The following DPF3 variants were observed in gnomAD, a reference collection of about 807,000 sequenced individuals.
DPF3 encodes the protein zinc finger protein DPF3.
In DPF3, 18 loss-of-function variants were observed where a neutral mutation model predicts 56.8. That is an observed-to-expected ratio of 0.32 (90% CI 0.22 to 0.47). The LOEUF (loss-of-function observed/expected upper bound fraction) is 0.47. Among genes scored for constraint, DPF3 ranks in the 20% least tolerant of loss-of-function variants. The pLI is 1.00. For synonymous variants in DPF3, 188 were observed against 180.2 expected (o/e 1.04, Z -0.35); for missense variants, 403 against 488.8 (o/e 0.82, Z 1.65).
At chr14:72,661,788 C>A (rs1886222686) in intron 8 of DPF3, 1 of 985,198 alleles carries the variant, frequency 1.0e-6, no homozygotes, top group African/African-American at 1.7e-5. Context: ...GTTCCCTTTC[C>A]TCATCTCTTC....
At chr14:72,891,510 T>G (rs1886752559) in intron 1 of DPF3, among the ~76,000 whole-genome samples, 1 of 152,148 alleles carries the variant, frequency 6.6e-6, no homozygotes, top group Admixed American at 6.5e-5. Flanking sequence ...TTGTTCTAAT[T>G]TATCCCATGC....
chr14:72,798,869 T>C (rs1385634876), intron 1 of DPF3, among the ~76,000 whole-genome samples: 7 of 152,224 alleles, frequency 4.6e-5, no homozygotes, highest in Admixed American at 4.6e-4. Flanking sequence ...GGTTGGAAGT[T>C]CACAAGGTGC....
At chr14:72,814,832 C>T (rs527630050) in intron 1 of DPF3, among the ~76,000 whole-genome samples, 4 of 151,848 alleles carry the variant, frequency 2.6e-5, no homozygotes, top group African/African-American at 7.3e-5. Flanking sequence ...AAAATTAACT[C>T]GACATGGATC....
Position 72,674,265 on chromosome 14 carries a change from C to T in DPF3, c.846G>A (p.Val282=), listed in dbSNP as rs893913323. 49 of 1,612,714 alleles carry T rather than the reference C, an allele frequency of 3.0e-5. No individual in the cohort carries two copies. The highest frequency in any genetic ancestry group is 4.1e-5 in the Non-Finnish European group (48 of 1,179,498). ...NKKSGRPEEL[V]SCADCGRSGH... is the part of the protein sequence containing the mutation. ...CAGAGCGTCCACAGTCTGCGCAGGA[C>T]ACCAGCTCTTCAGGCCGCCCACTCT... Residue 282 remains valine (V), a synonymous_variant, in exon 8 of 11, where the codon GTG becomes GTA. Coordinates refer to ENST00000556509, the MANE Select transcript of DPF3 (RefSeq NM_001280542.3).
At chr14:72,702,508 CTTCTG>C (rs1382239406) in intron 6 of DPF3, among the ~76,000 whole-genome samples, 1 of 152,150 alleles carries the variant, frequency 6.6e-6, no homozygotes, top group Non-Finnish European at 1.5e-5. Context: ...CCATCCAGCC[CTTCTG>C]AGTGGAATCC....
intron 3 of DPF3, among the ~76,000 whole-genome samples, chr14:72,733,217 G>A (rs567342147): frequency 9.7e-4 from 148 of 152,284 alleles, no homozygotes; most frequent in Middle Eastern, 6.8e-3. Context: ...AGTTTGATAT[G>A]TGGTCCTTAC....
Position 72,789,397 on chromosome 14 carries a change from T to C in DPF3, c.33-17504A>G, listed in dbSNP as rs570338620. 9.2e-5 allele frequency among the ~76,000 whole-genome samples: 14 copies of C among 152,362 alleles called. 1 individual carries two copies. In the South Asian group the frequency reaches 2.9e-3, roughly 32 times the overall value. On this transcript the variant is annotated intron_variant, in intron 1 of 10. Transcript: ENST00000556509. ...AGTCAGGATTTGAACCAGGTGGTCT[T>C]GTTTCAGAGTCTGGGCTCTTAACCA...
At chr14:72,833,865 G>A (rs1018978461) in intron 1 of DPF3, among the ~76,000 whole-genome samples, 2 of 152,118 alleles carry the variant, frequency 1.3e-5, no homozygotes, top group African/African-American at 2.4e-5. Flanking sequence ...AGTATCATTC[G>A]GTCATTAGGG....
At chr14:72,677,566 C>T (rs1032125553) in intron 7 of DPF3, among the ~76,000 whole-genome samples, 2 of 152,184 alleles carry the variant, frequency 1.3e-5, no homozygotes, top group East Asian at 1.9e-4. Context: ...AGGTCTACTC[C>T]TTCAGGTTGG....
Position 72,615,452 on chromosome 14 carries a change from C to T in DPF3, c.*3845G>A, listed in dbSNP as rs969454564. On this transcript the variant is annotated 3_prime_UTR_variant, in exon 11 of 11. Transcript: ENST00000556509. ...TTTTAAGCGGAGGGTTGAAAGGAAG[C>T]GGGCTGTATTCAAAGCACGAATACA... 2.0e-5 allele frequency among the ~76,000 whole-genome samples: 3 copies of T among 152,330 alleles called. No individual in the cohort carries two copies. The highest frequency in any genetic ancestry group is 2.0e-4 in the Admixed American group (3 of 15,300).
intron 3 of DPF3, among the ~76,000 whole-genome samples, chr14:72,746,247 C>T (rs1890318755): frequency 6.6e-6 from 1 of 152,232 alleles, no homozygotes; most frequent in Admixed American, 6.5e-5. Context: ...GGGTACATTT[C>T]TTTGGCTGCG....
intron 1 of DPF3, among the ~76,000 whole-genome samples, chr14:72,807,575 C>T (rs1181384899): frequency 6.6e-6 from 1 of 152,174 alleles, no homozygotes; most frequent in East Asian, 1.9e-4. Flanking sequence ...ACAGTTGGCT[C>T]ACGCCTGTAA....
At chr14:72,657,338 A>G (rs1886086964) in intron 8 of DPF3, among the ~76,000 whole-genome samples, 1 of 152,186 alleles carries the variant, frequency 6.6e-6, no homozygotes, top group Non-Finnish European at 1.5e-5. Flanking sequence ...GATGAATAAT[A>G]TTAGTCATGA....
rs184285373 is a variant in DPF3, at chr14:72,886,728, A to T, written c.32+7329T>A. On this transcript the variant is annotated intron_variant, in intron 1 of 10. Coordinates refer to ENST00000556509, the MANE Select transcript of DPF3 (RefSeq NM_001280542.3). ...CTGCAACCTCCTCCCCCTTCTCTTT[A>T]TGCTTGCAAAAAAACTGCCATGGAA... Among the ~76,000 whole-genome samples, 1,088 of 152,046 alleles carry T rather than the reference A, an allele frequency of 7.2e-3. 16 individuals are homozygous for T. Among genetic ancestry groups the T allele is most frequent in the African/African-American group, 0.025 (1,049 of 41,482 alleles).
At chr14:72,623,240 T>A (rs114004214) in intron 9 of DPF3, among the ~76,000 whole-genome samples, 1,845 of 152,306 alleles carry the variant, frequency 0.012, 40 homozygotes, top group African/African-American at 0.042. Context: ...AATATAATGT[T>A]TCTTTATAAA....
intron 5 of DPF3, among the ~76,000 whole-genome samples, chr14:72,721,747 A>AAC (rs139569240): frequency 3.3e-5 from 5 of 151,666 alleles, no homozygotes; most frequent in East Asian, 3.9e-4. Flanking sequence ...CACATACACA[A>AAC]ACACACACAC....
At chr14:72,874,483 A>G (rs1886031754) in intron 1 of DPF3, among the ~76,000 whole-genome samples, 1 of 152,076 alleles carries the variant, frequency 6.6e-6, no homozygotes, top group Non-Finnish European at 1.5e-5. Context: ...CGTCTCCAAA[A>G]AAAAAAAAGA....
intron 8 of DPF3, among the ~76,000 whole-genome samples, chr14:72,667,046 A>G (rs958443054): frequency 1.3e-5 from 2 of 152,224 alleles, no homozygotes; most frequent in Non-Finnish European, 2.9e-5. Context: ...ATAAAGCAGT[A>G]TCAGTCTGTA....
intron 2 of DPF3, among the ~76,000 whole-genome samples, chr14:72,768,412 AG>A (rs949946815): frequency 1.3e-5 from 2 of 152,196 alleles, no homozygotes; most frequent in Admixed American, 6.5e-5. Context: ...GTAATAGAAT[AG>A]TTTTGTATCT....
Sources: allele counts gnomAD v4.1 joint callset (sites outside exome capture counted in the v4.1 genomes callset), GRCh38; gene constraint gnomAD v4.1.1; transcripts MANE v1.5; gene names NCBI Gene and HGNC (gene_info 2026-07-23, HGNC 2026-07-21).